The following DLC1 variants were observed in gnomAD, a reference collection of about 807,000 sequenced individuals.
DLC1 encodes the protein rho GTPase-activating protein 7.
DLC1 carries 54 observed loss-of-function variants against 140.3 expected under a neutral mutation model. The ratio of observed to expected loss-of-function variants is 0.38; its 90% CI spans 0.31 to 0.48. The LOEUF is 0.48. Among genes scored for constraint, DLC1 ranks in the 20% least tolerant of loss-of-function variants. DLC1 has a pLI of 0.96. For synonymous variants in DLC1, 986 were observed against 728.1 expected, an observed-to-expected ratio of 1.35 and a Z score of -5.70; for missense variants, 2,536 against 1,907.0, an observed-to-expected ratio of 1.33 and a Z score of -6.14.
chr8:13,463,157 C>T (rs1373557037), intron 2 of DLC1, among the ~76,000 whole-genome samples: 1 of 151,616 alleles, frequency 6.6e-6, no homozygotes, highest in Non-Finnish European at 1.5e-5. Flanking sequence ...TGGTTGCCGG[C>T]ATTTAGGGAA....
At chr8:13,432,923 G>A (rs2117401527) in intron 2 of DLC1, among the ~76,000 whole-genome samples, 1 of 149,376 alleles carries the variant, frequency 6.7e-6, no homozygotes, top group East Asian at 2.0e-4. Flanking sequence ...CTGTCCTGCT[G>A]GAGGAGGTTC....
chr8:13,291,366 A>T (rs1488004346), intron 5 of DLC1, among the ~76,000 whole-genome samples: 2 of 152,230 alleles, frequency 1.3e-5, no homozygotes, highest in South Asian at 2.1e-4. Context: ...TTTGTTAATT[A>T]TATATGATTT....
Position 13,575,309 on chromosome 8 carries a change from G to C in DLC1, c.-126+29228C>G, listed in dbSNP as rs555978429. Among the ~76,000 whole-genome samples the C allele has an allele frequency of 1.5e-4, 23 of 152,256 alleles. 1 individual carries two copies. In the South Asian group the frequency reaches 4.6e-3, roughly 30 times the overall value. On this transcript the variant is annotated intron_variant, in intron 1 of 1. Transcript: ENST00000631382. ...ATGGTGCCACATATGCACTGAGAGA[G>C]TATGAAGGTTTATTTACTTACGTAA... is the stretch of plus-strand genomic sequence containing the variant.
chr8:13,282,211 T>G (rs1831387590), intron 5 of DLC1, among the ~76,000 whole-genome samples: 1 of 152,226 alleles, frequency 6.6e-6, no homozygotes, highest in Non-Finnish European at 1.5e-5. Flanking sequence ...GTCAAGCTAT[T>G]TTCAAGTTGC....
chr8:13,453,420 A>ATTTTTTTTTTTTTTTTTTTT (rs1218533007), intron 2 of DLC1, among the ~76,000 whole-genome samples: 3 of 22,728 alleles, frequency 1.3e-4, no homozygotes, highest in South Asian at 1.4e-3. Context: ...ATATATATAT[A>ATTTTTTTTTTTTTTTTTTTT]TATGTGTATA....
At chr8:13,422,766 A>T (rs1392139394) in intron 2 of DLC1, among the ~76,000 whole-genome samples, 1 of 151,968 alleles carries the variant, frequency 6.6e-6, no homozygotes, top group Non-Finnish European at 1.5e-5. Context: ...AGTTGATACT[A>T]CATCTGGTGG....
intron 1 of DLC1, among the ~76,000 whole-genome samples, chr8:13,600,385 T>C (rs1805835440): frequency 6.6e-6 from 1 of 151,924 alleles, no homozygotes; most frequent in Admixed American, 6.6e-5. Flanking sequence ...GCTGTTATTT[T>C]AGTTATTTTC....
intron 2 of DLC1, among the ~76,000 whole-genome samples, chr8:13,492,006 A>C (rs574528559): frequency 6.6e-6 from 1 of 152,316 alleles, no homozygotes; most frequent in East Asian, 1.9e-4. Flanking sequence ...TTGGATTCCA[A>C]TGAATTTGTT....
chr8:13,462,852 C>T (rs1017851774), intron 2 of DLC1, among the ~76,000 whole-genome samples: 1 of 152,156 alleles, frequency 6.6e-6, no homozygotes, highest in Non-Finnish European at 1.5e-5. Context: ...TCTCTTCCAG[C>T]AGTGTTTAAA....
intron 5 of DLC1, among the ~76,000 whole-genome samples, chr8:13,168,979 T>C (rs1342295914): frequency 1.3e-5 from 2 of 152,210 alleles, no homozygotes; most frequent in Non-Finnish European, 2.9e-5. Context: ...CCTCTTTGCA[T>C]TGTAGAAAAG....
chr8:13,579,800 G>T (rs1485917106), intron 1 of DLC1, among the ~76,000 whole-genome samples: 1 of 151,636 alleles, frequency 6.6e-6, no homozygotes, highest in Non-Finnish European at 1.5e-5. Context: ...GCTTTTAGAA[G>T]TGTGGCCCTC....
chr8:13,580,403 G>A (rs1292799582), intron 1 of DLC1, among the ~76,000 whole-genome samples: 3 of 152,206 alleles, frequency 2.0e-5, no homozygotes, highest in Admixed American at 6.5e-5. Flanking sequence ...TTACAGGCGT[G>A]AGCCACCGCG....
chr8:13,263,505 T>A (rs1830550855), intron 5 of DLC1, among the ~76,000 whole-genome samples: 1 of 151,892 alleles, frequency 6.6e-6, no homozygotes, highest in Admixed American at 6.6e-5. Context: ...CAAACTTTAT[T>A]CATCAGTCTT....
chr8:13,467,453 C>CT (rs10671511), intron 2 of DLC1, among the ~76,000 whole-genome samples: 1,770 of 149,486 alleles, frequency 0.012, 20 homozygotes, highest in Admixed American at 0.021. Context: ...TCTTATATTC[C>CT]TTTTTTTTTC....
At chr8:13,302,006 T>C (rs944153353) in intron 5 of DLC1, among the ~76,000 whole-genome samples, 1 of 152,218 alleles carries the variant, frequency 6.6e-6, no homozygotes, top group Non-Finnish European at 1.5e-5. Flanking sequence ...ATGGAAGTTA[T>C]ATGAAAATGA....
At chr8:13,401,325 A>G in intron 3 of DLC1, 145 bp downstream of exon 3, 1 of 927,900 alleles carries the variant, frequency 1.1e-6, no homozygotes, top group Non-Finnish European at 1.5e-6. Flanking sequence ...GATGCATAGA[A>G]GTATTTTGGT....
chr8:13,459,275 CTTT>C (rs1799549115), intron 2 of DLC1, among the ~76,000 whole-genome samples: 1 of 152,008 alleles, frequency 6.6e-6, no homozygotes, highest in African/African-American at 2.4e-5. Flanking sequence ...CATTCTGTGT[CTTT>C]TTTCTCTTTC....
At chr8:13,241,291 G>A (rs988840877) in intron 5 of DLC1, among the ~76,000 whole-genome samples, 13 of 152,166 alleles carry the variant, frequency 8.5e-5, no homozygotes, top group Non-Finnish European at 1.3e-4. Flanking sequence ...AGAAAAGGCC[G>A]TTTAGGGAGA....
At chr8:13,358,978 G>A (rs554817381) in intron 4 of DLC1, among the ~76,000 whole-genome samples, 6 of 123,350 alleles carry the variant, frequency 4.9e-5, no homozygotes, top group East Asian at 4.0e-4. Context: ...TTGCTCTGTC[G>A]CCCACGCTGG....
Sources: allele counts gnomAD v4.1 joint callset (sites outside exome capture counted in the v4.1 genomes callset), GRCh38; gene constraint gnomAD v4.1.1; transcripts MANE v1.5; gene names NCBI Gene and HGNC (gene_info 2026-07-23, HGNC 2026-07-21).